The following NRP2 variants were observed in gnomAD, a reference collection of about 807,000 sequenced individuals.
NRP2 encodes the protein neuropilin-2.
In NRP2, 52 loss-of-function variants were observed where a neutral mutation model predicts 110.4. The ratio of observed to expected loss-of-function variants is 0.47; its 90% CI spans 0.38 to 0.59. The LOEUF (loss-of-function observed/expected upper bound fraction) is 0.59, where lower values mean the gene tolerates loss of function less well. Among genes scored for constraint, NRP2 ranks in the 20% least tolerant of loss-of-function variants. The pLI is 0.00. For missense variants in NRP2, 1,049 were observed against 1,203.0 expected (o/e 0.87, Z 1.89); for synonymous variants, 508 against 468.9 (o/e 1.08, Z -1.08).
rs2057644885 is a variant in NRP2, at chr2:205,751,496, T to C, written c.1904-1339T>C. The stretch of plus-strand genomic sequence containing the variant: ...GGGGTGGTAAAGGCTAAGGGCTGAC[T>C]TTTCCAAGCCACAGGTTGATGCTTC... On this transcript the variant is annotated intron_variant, in intron 11 of 16. Coordinates refer to ENST00000357785, the MANE Select transcript of NRP2 (RefSeq NM_003872.3). 2.6e-5 allele frequency among the ~76,000 whole-genome samples: 4 copies of C among 152,310 alleles called. No individual in the cohort carries two copies. The South Asian group carries it at 8.3e-4, about 32-fold the overall frequency.
intron 16 of NRP2, among the ~76,000 whole-genome samples, chr2:205,793,156 T>C (rs2058320137): frequency 6.6e-6 from 1 of 152,176 alleles, no homozygotes; most frequent in African/African-American, 2.4e-5. Flanking sequence ...ACTCCTTTTA[T>C]GGGCAAAAGT....
At chr2:205,750,010 A>C (rs2057615323) in intron 11 of NRP2, among the ~76,000 whole-genome samples, 169 bp downstream of exon 11, 3 of 152,212 alleles carry the variant, frequency 2.0e-5, no homozygotes, top group Non-Finnish European at 4.4e-5. Flanking sequence ...GGCTGTTTAC[A>C]ACCAATGTAG....
At chr2:205,778,607 G>A (rs1021388284) in intron 15 of NRP2, 3 of 152,190 alleles carry the variant, frequency 2.0e-5, no homozygotes, top group Admixed American at 6.5e-5. Context: ...GCATGCCTGC[G>A]AAATGATTGA....
chr2:205,743,658 A>C lies in NRP2; in HGVS notation c.1641+106A>C, dbSNP rs114033307. The stretch of plus-strand genomic sequence containing the variant: ...GTCCCATCTAAACAGTCGTCATCCA[A>C]CTCCTGAAATCCAATAAAACAAATA... On this transcript the variant is annotated intron_variant, in intron 9 of 16. Transcript: ENST00000357785. 3.1e-4 allele frequency: 470 copies of C among 1,504,624 alleles called. 6 individuals carry two copies. In the South Asian group the frequency reaches 5.0e-3, roughly 16 times the overall value. The allele number at this position is 1,504,624 out of a possible 1,614,324, so 93.2% of individuals were successfully genotyped here.
chr2:205,785,138 C>G (rs1054868641), intron 15 of NRP2, among the ~76,000 whole-genome samples: 11 of 152,190 alleles, frequency 7.2e-5, no homozygotes, highest in Non-Finnish European at 1.5e-4. Context: ...CAAGGACCTA[C>G]AAAATAAAAG....
At position 205,793,556 on chromosome 2, in the gene NRP2, A is replaced by G. The variant is rs1261959145; in HGVS notation, c.2477-1198A>G. 3.3e-5 allele frequency among the ~76,000 whole-genome samples: 5 copies of G among 152,184 alleles called. No individual in the cohort carries two copies. In the East Asian group the frequency reaches 9.6e-4, roughly 29 times the overall value. ...CACAGTTCTGGAGGCTAGAAATGTAAGATCAACATGTGGACAGGGTTGGTT... is the reference window on the plus strand; with the variant it reads ...CACAGTTCTGGAGGCTAGAAATGTAGGATCAACATGTGGACAGGGTTGGTT... On this transcript the variant is annotated intron_variant, in intron 16 of 16. Transcript: ENST00000357785.
At chr2:205,793,958 A>G (rs1289434510) in intron 16 of NRP2, among the ~76,000 whole-genome samples, 1 of 152,142 alleles carries the variant, frequency 6.6e-6, no homozygotes, top group Non-Finnish European at 1.5e-5. Context: ...TCATGTGCAA[A>G]TAGTCCCAGA....
At chr2:205,750,445 A>G (rs1434262034) in intron 11 of NRP2, among the ~76,000 whole-genome samples, 1 of 152,208 alleles carries the variant, frequency 6.6e-6, no homozygotes, top group Admixed American at 6.5e-5. Flanking sequence ...GTAAAAAGGC[A>G]TCTTCAACCG....
chr2:205,780,643 C>G (rs1197406541), intron 15 of NRP2, among the ~76,000 whole-genome samples: 3 of 152,178 alleles, frequency 2.0e-5, no homozygotes, highest in Non-Finnish European at 4.4e-5. Flanking sequence ...GGGAGCCCTC[C>G]TCAGGGGTCC....
chr2:205,702,429 A>C (rs893771973), intron 2 of NRP2, among the ~76,000 whole-genome samples: 1 of 152,244 alleles, frequency 6.6e-6, no homozygotes, highest in Non-Finnish European at 1.5e-5. Flanking sequence ...AAAGCGTAAG[A>C]GCAACAGAGG....
At chr2:205,790,674 A>T (rs2058290996) in intron 15 of NRP2, among the ~76,000 whole-genome samples, 2 of 151,776 alleles carry the variant, frequency 1.3e-5, no homozygotes, top group African/African-American at 4.8e-5. Flanking sequence ...ATATGGAAAA[A>T]AACCCTGTGG....
chr2:205,757,047 T>G lies in NRP2; in HGVS notation c.2044+4072T>G, dbSNP rs527945700. On this transcript the variant is annotated intron_variant, in intron 12 of 16. Coordinates refer to ENST00000357785, the MANE Select transcript of NRP2 (RefSeq NM_003872.3). ...AGGTCAGCTTCAGAATCCTCCAGTG[T>G]GTGTTCCCCCTAAATCTGTGCTCTT... Among the ~76,000 whole-genome samples the G allele has an allele frequency of 2.0e-5, 3 of 152,332 alleles. No individual in the cohort carries two copies. In the South Asian group the frequency reaches 6.2e-4, roughly 32 times the overall value.
chr2:205,720,869 A>G (rs2056997204), intron 3 of NRP2, among the ~76,000 whole-genome samples: 2 of 152,212 alleles, frequency 1.3e-5, no homozygotes, highest in African/African-American at 4.8e-5. Context: ...ATGCATATGA[A>G]TGATGGGGTG....
intron 5 of NRP2, among the ~76,000 whole-genome samples, chr2:205,724,617 A>T (rs1017658749): frequency 2.0e-5 from 3 of 150,006 alleles, no homozygotes; most frequent in African/African-American, 7.4e-5. Flanking sequence ...TGTGTTTCAA[A>T]TATGCTGCCA....
At chr2:205,711,258 C>G (rs576027603) in intron 2 of NRP2, among the ~76,000 whole-genome samples, 8 of 152,182 alleles carry the variant, frequency 5.3e-5, no homozygotes, top group Non-Finnish European at 8.8e-5. Flanking sequence ...GTCGTAAATT[C>G]AGCAGTGAAG....
Position 205,682,957 on chromosome 2 carries a change from T to A in NRP2, c.-334T>A. On this transcript the variant is annotated 5_prime_UTR_variant, in exon 1 of 17. Transcript: ENST00000357785. The surrounding 1 kb of genome is among the most constrained non-coding windows in gnomAD (Gnocchi z 4.3). Reference sequence around the variant, plus strand: ...TTATCATTATTGTTACGCTTGGCTTTCGGGAAATACTCGTGATATTTGTAG... The same window carrying A: ...TTATCATTATTGTTACGCTTGGCTTACGGGAAATACTCGTGATATTTGTAG... 2 of 285,228 alleles carry A rather than the reference T, an allele frequency of 7.0e-6. No individual in the cohort carries two copies. Among genetic ancestry groups the A allele is most frequent in the South Asian group, 8.8e-5 (2 of 22,616 alleles). The allele number at this position is 285,228 out of a possible 1,614,324, so 17.7% of individuals were successfully genotyped here.
intron 15 of NRP2, among the ~76,000 whole-genome samples, chr2:205,783,961 A>G (rs1000510261): frequency 6.8e-6 from 1 of 146,338 alleles, no homozygotes. Context: ...AGAAAGCAGC[A>G]TGAGTTGAGA....
At chr2:205,788,610 T>C (rs1169182648) in intron 15 of NRP2, among the ~76,000 whole-genome samples, 1 of 152,230 alleles carries the variant, frequency 6.6e-6, no homozygotes, top group Non-Finnish European at 1.5e-5. Flanking sequence ...AATCCCCCGA[T>C]GCCCAACTTG....
intron 2 of NRP2, among the ~76,000 whole-genome samples, chr2:205,711,540 C>T (rs959265009): frequency 5.9e-5 from 9 of 152,090 alleles, no homozygotes; most frequent in Non-Finnish European, 1.2e-4. Context: ...GAGGAAAGAG[C>T]GCTTGCAAAG....
Sources: allele counts gnomAD v4.1 joint callset (sites outside exome capture counted in the v4.1 genomes callset), GRCh38; gene constraint gnomAD v4.1.1; non-coding constraint Gnocchi (gnomAD v3.1); transcripts MANE v1.5; gene names NCBI Gene and HGNC (gene_info 2026-07-23, HGNC 2026-07-21).